Variants in ZMAT4 observed in about 807,000 individuals in gnomAD.
ZMAT4 encodes zinc finger matrin-type protein 4.
ZMAT4 carries 17 observed loss-of-function variants against 28.7 expected under a neutral mutation model. The observed-to-expected ratio is 0.59, with a 90% confidence interval of 0.41 to 0.89. The LOEUF (loss-of-function observed/expected upper bound fraction) is 0.89. Ranked by LOEUF, ZMAT4 falls within the 40% of genes least tolerant of loss-of-function variation. The probability of loss-of-function intolerance (pLI) is 0.00; values close to 1 mark genes in which losing one functional copy is unlikely to be tolerated. For synonymous variants in ZMAT4, 117 were observed against 109.2 expected, an observed-to-expected ratio of 1.07 and a Z score of -0.44; for missense variants, 240 against 283.8, an observed-to-expected ratio of 0.85 and a Z score of 1.11.
intron 6 of ZMAT4, among the ~76,000 whole-genome samples, chr8:40,580,935 G>T (rs1804443626): frequency 6.6e-6 from 1 of 152,034 alleles, no homozygotes; most frequent in Admixed American, 6.6e-5. Flanking sequence ...TTTCATAAAA[G>T]TATGCTAAAC....
chr8:40,748,111 G>A (rs376507025), intron 3 of ZMAT4, among the ~76,000 whole-genome samples: 33 of 152,236 alleles, frequency 2.2e-4, no homozygotes, highest in African/African-American at 7.0e-4. Context: ...CTGTAAAACC[G>A]AGATAATAAC....
At chr8:40,684,417 G>A (rs181729809) in intron 4 of ZMAT4, among the ~76,000 whole-genome samples, 4 of 152,292 alleles carry the variant, frequency 2.6e-5, no homozygotes, top group African/African-American at 7.2e-5. Context: ...CACTCCCAAT[G>A]CCCACTGCAG....
intron 5 of ZMAT4, among the ~76,000 whole-genome samples, chr8:40,667,340 G>A (rs1808461152): frequency 6.6e-6 from 1 of 151,970 alleles, no homozygotes; most frequent in Non-Finnish European, 1.5e-5. Flanking sequence ...ATTTTTAGTA[G>A]AGACAGGGTT....
At chr8:40,695,028 G>A (rs1339269609) in intron 4 of ZMAT4, among the ~76,000 whole-genome samples, 2 of 152,134 alleles carry the variant, frequency 1.3e-5, no homozygotes, top group African/African-American at 2.4e-5. Flanking sequence ...TTTGCTAGGT[G>A]TCCCCACTCT....
chr8:40,750,946 T>C (rs552582599), intron 3 of ZMAT4, among the ~76,000 whole-genome samples: 1 of 152,240 alleles, frequency 6.6e-6, no homozygotes, highest in Non-Finnish European at 1.5e-5. Flanking sequence ...AAAAATAGAT[T>C]TGGGCTCATT....
At chr8:40,616,672 T>C (rs976230583) in intron 5 of ZMAT4, among the ~76,000 whole-genome samples, 4 of 151,396 alleles carry the variant, frequency 2.6e-5, no homozygotes, top group Non-Finnish European at 5.9e-5. Context: ...CACTCATATG[T>C]GGGAATTGAA....
intron 5 of ZMAT4, among the ~76,000 whole-genome samples, chr8:40,607,304 T>G (rs888687554): frequency 2.0e-5 from 3 of 151,884 alleles, no homozygotes; most frequent in Non-Finnish European, 4.4e-5. Flanking sequence ...TTTTGTATTT[T>G]TAAATACACG....
intron 1 of ZMAT4, among the ~76,000 whole-genome samples, chr8:40,843,111 T>C (rs1816758958): frequency 6.6e-6 from 1 of 152,202 alleles, no homozygotes; most frequent in Admixed American, 6.5e-5. Flanking sequence ...CTCCAAAGCA[T>C]CTGTAGCTCT....
intron 1 of ZMAT4, among the ~76,000 whole-genome samples, chr8:40,844,447 A>T (rs1816807997): frequency 6.6e-6 from 1 of 152,210 alleles, no homozygotes; most frequent in Middle Eastern, 3.4e-3. Flanking sequence ...GGCCCCTGGG[A>T]TATGGGTGCT....
At chr8:40,607,373 T>C (rs1392445634) in intron 5 of ZMAT4, among the ~76,000 whole-genome samples, 1 of 152,062 alleles carries the variant, frequency 6.6e-6, no homozygotes, top group African/African-American at 2.4e-5. Context: ...CCTCGTGATC[T>C]GCCCACTCAG....
intron 1 of ZMAT4, among the ~76,000 whole-genome samples, chr8:40,893,640 G>A (rs1818770348): frequency 6.6e-6 from 1 of 152,226 alleles, no homozygotes. Flanking sequence ...CCTGGAATTT[G>A]ACTGTGCACA....
At chr8:40,789,977 A>G (rs1319591534) in intron 2 of ZMAT4, among the ~76,000 whole-genome samples, 3 of 152,166 alleles carry the variant, frequency 2.0e-5, no homozygotes, top group African/African-American at 7.2e-5. Context: ...AGTCATGTAC[A>G]CTGCCCCACT....
chr8:40,614,217 T>C (rs1805910405), intron 5 of ZMAT4, among the ~76,000 whole-genome samples: 1 of 152,220 alleles, frequency 6.6e-6, no homozygotes, highest in African/African-American at 2.4e-5. Context: ...CCTCAAGCTC[T>C]CTTTTCTAGG....
intron 1 of ZMAT4, among the ~76,000 whole-genome samples, chr8:40,877,016 G>GA (rs1341017196): frequency 6.6e-6 from 1 of 152,236 alleles, no homozygotes; most frequent in African/African-American, 2.4e-5. Context: ...TATTTAGAAA[G>GA]AAGGTCTTGA....
intron 5 of ZMAT4, among the ~76,000 whole-genome samples, chr8:40,658,416 C>T (rs759791584): frequency 5.9e-5 from 9 of 152,028 alleles, no homozygotes; most frequent in South Asian, 2.1e-4. Context: ...TAGGTGAAGT[C>T]AAACTCCAAA....
intron 2 of ZMAT4, among the ~76,000 whole-genome samples, chr8:40,805,794 TG>T (rs1254227142): frequency 4.7e-5 from 3 of 64,512 alleles, no homozygotes; most frequent in Admixed American, 2.3e-4. Context: ...TGTTGTGGGG[TG>T]GGGGGAGGGG....
At chr8:40,814,018 G>C (rs1815433931) in intron 2 of ZMAT4, among the ~76,000 whole-genome samples, 1 of 152,232 alleles carries the variant, frequency 6.6e-6, no homozygotes, top group African/African-American at 2.4e-5. Flanking sequence ...CTGGGGACGG[G>C]GTGGAGAGGA....
At chr8:40,771,104 A>G (rs982498852) in intron 2 of ZMAT4, among the ~76,000 whole-genome samples, 3 of 152,160 alleles carry the variant, frequency 2.0e-5, no homozygotes, top group African/African-American at 7.2e-5. Flanking sequence ...CTGATAAAGC[A>G]GCCGTGGCAT....
chr8:40,667,036 C>T (rs772810355), intron 5 of ZMAT4, among the ~76,000 whole-genome samples: 3 of 151,872 alleles, frequency 2.0e-5, no homozygotes, highest in Admixed American at 1.3e-4. Flanking sequence ...GCACGCATGG[C>T]GCCATTTGTA....
Sources: gnomAD v4.1 joint callset for allele counts (sites outside exome capture counted in the v4.1 genomes callset) on GRCh38, gnomAD v4.1.1 for gene constraint, MANE v1.5 for transcripts, NCBI Gene and HGNC (gene_info 2026-07-23, HGNC 2026-07-21) for gene names.